Variants in PPTC7 observed in about 807,000 individuals in gnomAD.
The protein encoded by PPTC7 is protein phosphatase targeting COQ7, also known as protein phosphatase PTC7 homolog.
A neutral mutation model predicts 30.8 loss-of-function variants in PPTC7; 6 were observed. The ratio of observed to expected loss-of-function variants is 0.19; its 90% confidence interval spans 0.11 to 0.38. PPTC7 has a LOEUF of 0.38. Ranked by LOEUF, PPTC7 falls within the 10% of genes least tolerant of loss-of-function variation. The probability of loss-of-function intolerance (pLI) is 1.00; values close to 1 mark genes in which losing one functional copy is unlikely to be tolerated. For synonymous variants in PPTC7, 163 were observed against 168.1 expected, an observed-to-expected ratio of 0.97 and a Z score of 0.23; for missense variants, 218 against 404.8, an observed-to-expected ratio of 0.54 and a Z score of 3.96.
intron 1 of PPTC7, among the ~76,000 whole-genome samples, chr12:110,572,436 G>A (rs376947169): frequency 8.6e-5 from 13 of 152,046 alleles, no homozygotes; most frequent in South Asian, 2.1e-4. Flanking sequence ...GTGAGACTCC[G>A]TCTTAAAAAC....
Position 110,533,405 on chromosome 12 carries a change from A to G in PPTC7, c.*3632T>C, listed in dbSNP as rs551427364. 59 of 152,354 alleles carry G rather than the reference A, an allele frequency of 3.9e-4. No individual in the cohort carries two copies. The highest frequency in any genetic ancestry group is 1.4e-3 in the African/African-American group (59 of 41,584). 9.4% of individuals were successfully genotyped at this position (152,354 alleles called of 1,614,324 possible). ...AGTCTCAACAGAAAAAAAGCAGCTC[A>G]TTAGTATACACACAGATTCTAATTT... On this transcript the variant is annotated 3_prime_UTR_variant, in exon 6 of 6. Coordinates refer to ENST00000354300, the MANE Select transcript of PPTC7 (RefSeq NM_139283.2).
At chr12:110,540,157 A>C (rs1347253676) in intron 3 of PPTC7, among the ~76,000 whole-genome samples, 1 of 152,218 alleles carries the variant, frequency 6.6e-6, no homozygotes, top group East Asian at 1.9e-4. Context: ...TCAAATTTTT[A>C]ACTGAAACTA....
chr12:110,575,641 A>G (rs528092536), intron 1 of PPTC7, among the ~76,000 whole-genome samples: 71 of 137,838 alleles, frequency 5.2e-4, no homozygotes, highest in African/African-American at 1.7e-3. Flanking sequence ...AAAAAGCTCC[A>G]CAACAGCTTG....
chr12:110,542,961 C>T (rs185050483), intron 3 of PPTC7, among the ~76,000 whole-genome samples: 1 of 152,248 alleles, frequency 6.6e-6, no homozygotes, highest in African/African-American at 2.4e-5. Flanking sequence ...TTCTTAAGGC[C>T]AGTTTCCCTC....
At chr12:110,561,420 T>C (rs2064436845) in intron 1 of PPTC7, among the ~76,000 whole-genome samples, 1 of 152,060 alleles carries the variant, frequency 6.6e-6, no homozygotes, top group Non-Finnish European at 1.5e-5. Flanking sequence ...TTCAAGTGAC[T>C]CTCCTGCCTC....
chr12:110,555,711 C>T (rs1272229967), intron 1 of PPTC7, among the ~76,000 whole-genome samples: 1 of 152,056 alleles, frequency 6.6e-6, no homozygotes, highest in Non-Finnish European at 1.5e-5. Context: ...ACCGGGCTAA[C>T]TAGGGATCTA....
rs1351746945 is a variant in PPTC7 at position 110,548,001 on chromosome 12, G to A, written c.404-1923C>T. ...GCACACCTGTAATCCCAGCTACTTCGGAGGCTGGGGCACAAGAATTGTTTG... is the reference window on the plus strand; with the variant it reads ...GCACACCTGTAATCCCAGCTACTTCAGAGGCTGGGGCACAAGAATTGTTTG... On this transcript the variant is annotated intron_variant, in intron 2 of 5. Transcript: ENST00000354300. 3.9e-5 allele frequency among the ~76,000 whole-genome samples: 6 copies of A among 151,966 alleles called. No homozygotes were observed. The East Asian group carries it at 7.7e-4, about 20-fold the overall frequency.
At chr12:110,546,293 A>C in intron 2 of PPTC7, 1 of 550,392 alleles carries the variant, frequency 1.8e-6, no homozygotes, top group Non-Finnish European at 3.3e-6. Flanking sequence ...TGTATTATAC[A>C]TAGTAATTGG....
Position 110,552,417 on chromosome 12 carries a change from C to G in PPTC7, c.224-449G>C, listed in dbSNP as rs1383452679. Among the ~76,000 whole-genome samples the G allele has an allele frequency of 2.0e-5, 3 of 152,224 alleles. No individual in the cohort carries two copies. The South Asian group carries it at 6.2e-4, about 32-fold the overall frequency. ...CTTTTAACTCCAAACATTGGTCAAT[C>G]GCTGGGAAATAAAGAACAAAACTGA... On this transcript the variant is annotated intron_variant, in intron 1 of 5. Transcript: ENST00000354300.
At chr12:110,566,529 G>A (rs1160399980) in intron 1 of PPTC7, among the ~76,000 whole-genome samples, 1 of 152,162 alleles carries the variant, frequency 6.6e-6, no homozygotes, top group Non-Finnish European at 1.5e-5. Context: ...CCGGTGTGAG[G>A]AACGAGGATA....
chr12:110,582,948 G>A lies in PPTC7; in HGVS notation c.84C>T (p.Gly28=), dbSNP rs897563511. The A allele has an allele frequency of 5.8e-6, 9 of 1,540,806 alleles. No homozygotes were observed. Among genetic ancestry groups the A allele is most frequent in the East Asian group, 2.5e-5 (1 of 40,680 alleles). The part of the protein sequence containing the change: ...GLSQTDPRAG[G]GGGGDYGLVT... ...CCAGTCCGTAGTCGCCGCCGCCGCC[G>A]CCGCCGGCCCTGGGGTCGGTCTGCG... Residue 28 remains glycine, a synonymous_variant, in exon 1 of 6, where the codon GGC becomes GGT. Transcript: ENST00000354300.
At chr12:110,538,816 G>A (rs2064236744) in intron 4 of PPTC7, among the ~76,000 whole-genome samples, 1 of 152,146 alleles carries the variant, frequency 6.6e-6, no homozygotes, top group African/African-American at 2.4e-5. Flanking sequence ...ATAATGACAG[G>A]TCTCTGCTTC....
At position 110,563,838 on chromosome 12, in the gene PPTC7, T is replaced by TA. The variant is rs998266730; in HGVS notation, c.224-11871dup. On this transcript the variant is annotated intron_variant, in intron 1 of 5. Transcript: ENST00000354300. ...AGAATACTTCATTAACTAGAGAAGATAATTTCCAGACTATTCTGGGCAGTT... is the reference window on the plus strand; with the variant it reads ...AGAATACTTCATTAACTAGAGAAGATAAATTTCCAGACTATTCTGGGCAGTT... Among the ~76,000 whole-genome samples, 11 of 152,344 alleles carry TA rather than the reference T, an allele frequency of 7.2e-5. No individual in the cohort carries two copies. The South Asian group carries it at 2.3e-3, about 32-fold the overall frequency.
chr12:110,567,220 C>T (rs931907106), intron 1 of PPTC7, among the ~76,000 whole-genome samples: 3 of 152,164 alleles, frequency 2.0e-5, no homozygotes, highest in East Asian at 3.8e-4. Context: ...TCAATGATTC[C>T]CCACCCTTGC....
In PPTC7 at chr12:110,534,081, G is replaced by C. The variant is rs1258179784; in HGVS notation, c.*2956C>G. ...TTCCCCCTGCATCCCATTTCTTTTA[G>C]TTTTTAGAGCCTATGGACTCTACTG... On this transcript the variant is annotated 3_prime_UTR_variant, in exon 6 of 6. Transcript: ENST00000354300. 1 of 151,040 alleles carries C rather than the reference G, an allele frequency of 6.6e-6. No homozygotes were observed. The highest frequency in any genetic ancestry group is 1.5e-5 in the Non-Finnish European group (1 of 67,858). The allele number at this position is 151,040 out of a possible 1,614,324, so 9.4% of individuals were successfully genotyped here.
chr12:110,545,499 T>G (rs1344724573), intron 3 of PPTC7, among the ~76,000 whole-genome samples: 1 of 152,236 alleles, frequency 6.6e-6, no homozygotes, highest in Non-Finnish European at 1.5e-5. Context: ...GATGTCTGTT[T>G]GTGCTCTTCC....
chr12:110,579,024 C>A (rs2064613909), intron 1 of PPTC7, among the ~76,000 whole-genome samples: 1 of 152,076 alleles, frequency 6.6e-6, no homozygotes. Context: ...TGGCACATGC[C>A]TGTAGTCCCA....
intron 4 of PPTC7, among the ~76,000 whole-genome samples, chr12:110,539,415 A>T (rs1217652027): frequency 6.6e-6 from 1 of 152,204 alleles, no homozygotes; most frequent in Non-Finnish European, 1.5e-5. Context: ...CTATTTGGTT[A>T]CTGGTGGCAG....
At chr12:110,543,046 A>T (rs1450333732) in intron 3 of PPTC7, among the ~76,000 whole-genome samples, 1 of 152,230 alleles carries the variant, frequency 6.6e-6, no homozygotes, top group Non-Finnish European at 1.5e-5. Context: ...AACAAGAGCC[A>T]GGAAAGCAAA....
Sources: allele counts gnomAD v4.1 joint callset (sites outside exome capture counted in the v4.1 genomes callset), GRCh38; gene constraint gnomAD v4.1.1; transcripts MANE v1.5; gene names NCBI Gene and HGNC (gene_info 2026-07-23, HGNC 2026-07-21).